Variants in COL27A1 observed in about 807,000 individuals in gnomAD.
The protein encoded by COL27A1 is collagen type XXVII alpha 1 chain, also known as collagen alpha-1(XXVII) chain.
COL27A1 carries 106 observed loss-of-function variants against 251.3 expected under a neutral mutation model. The observed-to-expected ratio is 0.42, with a 90% CI of 0.36 to 0.50. The LOEUF is 0.50. Ranked by LOEUF, COL27A1 falls within the 20% of genes least tolerant of loss-of-function variation. The pLI is 0.00. For synonymous variants in COL27A1, 1,000 were observed against 986.3 expected (o/e 1.01, Z -0.26); for missense variants, 2,325 against 2,522.8 (o/e 0.92, Z 1.68).
intron 39 of COL27A1, 26 bp from the exon 40 acceptor site, chr9:114,283,683 C>T (rs1836071189): frequency 6.2e-7 from 1 of 1,611,858 alleles, no homozygotes; most frequent in Admixed American, 1.7e-5. Context: ...ACACTCCATA[C>T]CAACGAGGGT....
chr9:114,159,911 G>A (rs1848374897), intron 1 of COL27A1, among the ~76,000 whole-genome samples: 1 of 152,192 alleles, frequency 6.6e-6, no homozygotes, highest in Non-Finnish European at 1.5e-5. Context: ...CTTCAAGTAA[G>A]CAAGTCATGC....
At chr9:114,273,742 A>G (rs1224457773) in intron 36 of COL27A1, 1 of 152,106 alleles carries the variant, frequency 6.6e-6, no homozygotes, top group Non-Finnish European at 1.5e-5. Flanking sequence ...TTCCTGATGG[A>G]CGCCGCCCCT....
intron 14 of COL27A1, among the ~76,000 whole-genome samples, chr9:114,227,603 C>T (rs1242706300): frequency 1.3e-5 from 2 of 152,060 alleles, no homozygotes; most frequent in African/African-American, 2.4e-5. Flanking sequence ...CCCAGAGTGA[C>T]ATTTAGCTAT....
intron 3 of COL27A1, among the ~76,000 whole-genome samples, chr9:114,176,676 C>T (rs1305637192): frequency 6.6e-6 from 1 of 152,112 alleles, no homozygotes; most frequent in Non-Finnish European, 1.5e-5. Context: ...ACCCCTCTAC[C>T]CACCCCTGGA....
chr9:114,290,239 C>T lies in COL27A1; in HGVS notation c.4276C>T (p.Pro1426Ser), dbSNP rs775834396. 23 of 1,569,922 alleles carry T rather than the reference C, an allele frequency of 1.5e-5. No individual in the cohort carries two copies. The highest frequency in any genetic ancestry group is 9.5e-5 in the Admixed American group (5 of 52,576). ...RRGVQGLQGLPGPRGVVGRQG... is the reference protein window; with the variant it reads ...RRGVQGLQGLSGPRGVVGRQG... ...TACCCCCCAGGGCCTGCAGGGGCTG[C>T]CAGGGCCCCGGGGCGTGGTGGGGAG... The change falls in exon 47 of 61, where the codon CCA becomes TCA. Residue 1426 changes from proline to serine, a missense_variant. Around this residue, in one of 4 missense-constraint regions of COL27A1, gnomAD observed 662 missense variants for 795.3 expected, o/e 0.83. Transcript: ENST00000356083. This position sits in a 1 kb window ranked among gnomAD's most constrained non-coding sequence, Gnocchi z 4.6.
chr9:114,213,958 C>T (rs1830538423), intron 12 of COL27A1, among the ~76,000 whole-genome samples: 1 of 152,160 alleles, frequency 6.6e-6, no homozygotes, highest in South Asian at 2.1e-4. Context: ...TCTTTTCAGC[C>T]CTAGACCTGT....
At chr9:114,201,026 C>T (rs1487731887) in intron 7 of COL27A1, among the ~76,000 whole-genome samples, 2 of 152,216 alleles carry the variant, frequency 1.3e-5, no homozygotes, top group Non-Finnish European at 1.5e-5. Flanking sequence ...GAAAGCAGCC[C>T]AGCCAGACGG....
At chr9:114,248,062 G>A (rs1833265883) in intron 24 of COL27A1, among the ~76,000 whole-genome samples, 1 of 151,850 alleles carries the variant, frequency 6.6e-6, no homozygotes, top group Non-Finnish European at 1.5e-5. Flanking sequence ...GAGGCTCTGG[G>A]AAGTTAAGTA....
rs540799247 is a variant in COL27A1, at chr9:114,170,655, A to G, written c.1908+1192A>G. 9.2e-5 allele frequency among the ~76,000 whole-genome samples: 14 copies of G among 152,322 alleles called. No homozygotes were observed. The South Asian group carries it at 1.2e-3, about 14-fold the overall frequency. On this transcript the variant is annotated intron_variant, in intron 3 of 60. Transcript: ENST00000356083. ...CGGAGAGTCTGCCTTTATTATAACC[A>G]TATTGTCGAACTTATGGAAACTGTA...
In COL27A1 at chr9:114,175,364, G is replaced by T. The variant is rs1043987561; in HGVS notation, c.1909-2927G>T. On this transcript the variant is annotated intron_variant, in intron 3 of 60. Coordinates refer to ENST00000356083, the MANE Select transcript of COL27A1 (RefSeq NM_032888.4). ...CCGCTCAGGCTTCAGGCCCTGGAAA[G>T]AAATGGCAGCGTTTTTCCACTGCGG... Among the ~76,000 whole-genome samples the T allele has an allele frequency of 2.0e-5, 3 of 152,392 alleles. No individual in the cohort carries two copies. The South Asian group carries it at 6.2e-4, about 32-fold the overall frequency.
At position 114,265,420 on chromosome 9, in the gene COL27A1, AG is replaced by A; in HGVS notation, c.3341del. 1 of 1,613,620 alleles carries A rather than the reference AG, an allele frequency of 6.2e-7. No homozygotes were observed. The highest frequency in any genetic ancestry group is 8.5e-7 in the Non-Finnish European group (1 of 1,179,884). Reference sequence around the variant, plus strand: ...AAGGTCACCTTTACCTTGTCTCTGCAGGGCATCCCGGGTCCCTCAGGCCCCC... The same window carrying A: ...AAGGTCACCTTTACCTTGTCTCTGCAGGCATCCCGGGTCCCTCAGGCCCCC... On this transcript the variant is annotated splice_acceptor_variant, in intron 31 of 60. Coordinates refer to ENST00000356083, the MANE Select transcript of COL27A1 (RefSeq NM_032888.4). LOFTEE classifies it high-confidence loss of function.
intron 16 of COL27A1, among the ~76,000 whole-genome samples, chr9:114,232,290 C>T (rs771763974): frequency 6.6e-6 from 1 of 152,138 alleles, no homozygotes; most frequent in Admixed American, 6.5e-5. Context: ...ACTGGAAATG[C>T]GACTCTGAGC....
At chr9:114,231,795 C>T in intron 15 of COL27A1, 27 bp from the exon 16 acceptor site, 3 of 1,613,854 alleles carry the variant, frequency 1.9e-6, no homozygotes, top group Non-Finnish European at 2.5e-6. Flanking sequence ...AGTCCCATCA[C>T]AGCTGGCCTT....
intron 12 of COL27A1, among the ~76,000 whole-genome samples, chr9:114,215,092 C>G (rs967542949): frequency 2.0e-5 from 3 of 152,380 alleles, no homozygotes; most frequent in African/African-American, 7.2e-5. Flanking sequence ...TGGCCTCATG[C>G]AGTGAGTCCG....
At chr9:114,301,654 G>C (rs1828646689) in intron 54 of COL27A1, 28 bp from the exon 55 acceptor site, 1 of 1,594,844 alleles carries the variant, frequency 6.3e-7, no homozygotes, top group African/African-American at 1.3e-5. Flanking sequence ...GTGGACCAGG[G>C]CTCACTCTTC....
intron 37 of COL27A1, 115 bp from the exon 38 acceptor site, chr9:114,282,161 CA>C: frequency 1.2e-6 from 1 of 853,112 alleles, no homozygotes; most frequent in Non-Finnish European, 1.9e-6. Flanking sequence ...GTGGCAGAAT[CA>C]GTTTCGAACC....
chr9:114,307,350 T>A, intron 58 of COL27A1: 1 of 260,012 alleles, frequency 3.8e-6, no homozygotes, highest in South Asian at 5.6e-5. Flanking sequence ...TTCAACTAGG[T>A]GATCCCCCAA....
chr9:114,246,381 G>T (rs1247498246), intron 24 of COL27A1, among the ~76,000 whole-genome samples: 3 of 152,202 alleles, frequency 2.0e-5, no homozygotes, highest in Non-Finnish European at 4.4e-5. Flanking sequence ...GAGAAGCTGG[G>T]TCAAGGTCTG....
chr9:114,241,146 G>A (rs1832726284), intron 21 of COL27A1, among the ~76,000 whole-genome samples: 1 of 152,364 alleles, frequency 6.6e-6, no homozygotes, highest in African/African-American at 2.4e-5. Context: ...TGGGGCTGTT[G>A]GAGCACCAGG....
Sources: allele counts gnomAD v4.1 joint callset (sites outside exome capture counted in the v4.1 genomes callset), GRCh38; gene constraint gnomAD v4.1.1; regional missense constraint gnomAD v4.1.1; non-coding constraint Gnocchi (gnomAD v3.1); transcripts MANE v1.5; gene names NCBI Gene and HGNC (gene_info 2026-07-23, HGNC 2026-07-21).